GDAP1: variants seen among roughly 807,000 people sequenced by gnomAD.
GDAP1 encodes the protein ganglioside induced differentiation associated protein 1.
In GDAP1, 34 loss-of-function variants were observed where a neutral mutation model predicts 40.1. That is an observed-to-expected ratio of 0.85 (90% CI 0.64 to 1.13). The LOEUF is 1.13. Ranked by LOEUF, GDAP1 falls within the 50% of genes most tolerant of loss-of-function variation. The pLI is 0.00. For synonymous variants in GDAP1, 170 were observed against 157.4 expected, an observed-to-expected ratio of 1.08 and a Z score of -0.60; for missense variants, 374 against 433.7, an observed-to-expected ratio of 0.86 and a Z score of 1.22.
intron 2 of GDAP1, among the ~76,000 whole-genome samples, chr8:74,426,686 A>G (rs1203425858): frequency 6.6e-6 from 1 of 152,124 alleles, no homozygotes; most frequent in Non-Finnish European, 1.5e-5. Flanking sequence ...TAATACTTAG[A>G]TATCTTTCTT....
chr8:74,424,762 C>A (rs571944987), intron 2 of GDAP1, among the ~76,000 whole-genome samples: 1 of 152,228 alleles, frequency 6.6e-6, no homozygotes, highest in South Asian at 2.1e-4. Flanking sequence ...TCAGTGGTAT[C>A]CATGATGCAA....
At chr8:74,356,716 A>ATATATAT (rs375377157) in intron 2 of GDAP1, among the ~76,000 whole-genome samples, 3 of 104,362 alleles carry the variant, frequency 2.9e-5, no homozygotes, top group Admixed American at 1.1e-4. Flanking sequence ...ATATATATAT[A>ATATATAT]TTTTTTTTTT....
chr8:74,399,895 T>G (rs1307282907), intron 2 of GDAP1, among the ~76,000 whole-genome samples: 1 of 144,474 alleles, frequency 6.9e-6, no homozygotes, highest in Non-Finnish European at 1.5e-5. Context: ...TCTAGTTTGA[T>G]TGCACTGTCG....
chr8:74,359,623 G>T (rs933616452), intron 2 of GDAP1, among the ~76,000 whole-genome samples: 2 of 152,174 alleles, frequency 1.3e-5, no homozygotes, highest in African/African-American at 2.4e-5. Context: ...TTTCCATAAT[G>T]AGCCCTCATT....
At chr8:74,359,080 T>C (rs1462122134) in intron 2 of GDAP1, among the ~76,000 whole-genome samples, 4 of 152,236 alleles carry the variant, frequency 2.6e-5, no homozygotes, top group Non-Finnish European at 5.9e-5. Context: ...ACTTTTATTC[T>C]TTTTCGATAG....
chr8:74,402,239 T>C (rs1487469339), intron 2 of GDAP1, among the ~76,000 whole-genome samples: 2 of 150,562 alleles, frequency 1.3e-5, no homozygotes, highest in Non-Finnish European at 2.9e-5. Context: ...TTTGTTTACC[T>C]AAGCAAGCCT....
intron 2 of GDAP1, among the ~76,000 whole-genome samples, chr8:74,453,121 T>C (rs747853337): frequency 2.4e-5 from 2 of 83,634 alleles, no homozygotes; most frequent in Non-Finnish European, 4.8e-5. Flanking sequence ...CTATCCTCTG[T>C]AACTTAGTGC....
At chr8:74,476,381 A>G (rs1806629358) in intron 2 of GDAP1, among the ~76,000 whole-genome samples, 1 of 152,116 alleles carries the variant, frequency 6.6e-6, no homozygotes, top group East Asian at 1.9e-4. Flanking sequence ...TATAGTGTCA[A>G]TGGTCTGTGT....
rs140530786 is a variant in GDAP1, at chr8:74,426,028, G to A, written c.166-62650G>A. On this transcript the variant is annotated intron_variant, in intron 2 of 2. Coordinates refer to the GDAP1 transcript ENST00000523640. ...GATATGTTAATTATTGAAATCCTAG[G>A]CTCTGCAGTTGTTCCTAGTTCTGCT... Among the ~76,000 whole-genome samples, 435 of 152,162 alleles carry A rather than the reference G, an allele frequency of 2.9e-3. 3 individuals carry two copies. Among genetic ancestry groups the A allele is most frequent in the African/African-American group, 0.01 (421 of 41,506 alleles).
intron 2 of GDAP1, among the ~76,000 whole-genome samples, chr8:74,396,126 G>C (rs954611690): frequency 6.6e-6 from 1 of 151,972 alleles, no homozygotes; most frequent in South Asian, 2.1e-4. Flanking sequence ...TTCTACAATA[G>C]AAACACTGGA....
At chr8:74,381,690 A>G (rs1443945723) in intron 2 of GDAP1, among the ~76,000 whole-genome samples, 3 of 151,570 alleles carry the variant, frequency 2.0e-5, no homozygotes, top group Non-Finnish European at 4.4e-5. Flanking sequence ...CGGGAGGCAG[A>G]GGTTGCAGTG....
chr8:74,470,829 A>C (rs573130478), intron 2 of GDAP1, among the ~76,000 whole-genome samples: 8 of 152,324 alleles, frequency 5.3e-5, no homozygotes, highest in African/African-American at 1.9e-4. Context: ...GAATCGCCAC[A>C]CTGACTTCCA....
downstream of GDAP1, among the ~76,000 whole-genome samples, chr8:74,371,259 T>C (rs965555962): frequency 1.3e-5 from 2 of 152,250 alleles, no homozygotes; most frequent in African/African-American, 4.8e-5. Context: ...GTGGCCATTG[T>C]GGAATTAAGT....
At chr8:74,487,084 T>C (rs1306803238) in intron 2 of GDAP1, among the ~76,000 whole-genome samples, 1 of 152,180 alleles carries the variant, frequency 6.6e-6, no homozygotes, top group Non-Finnish European at 1.5e-5. Flanking sequence ...GATTATTAAA[T>C]GAGATTTGCA....
At chr8:74,403,578 G>A (rs751426819) in intron 2 of GDAP1, among the ~76,000 whole-genome samples, 2 of 150,222 alleles carry the variant, frequency 1.3e-5, no homozygotes, top group Non-Finnish European at 2.9e-5. Flanking sequence ...GCTTTTGCTG[G>A]TGAAGCATAT....
intron 2 of GDAP1, among the ~76,000 whole-genome samples, chr8:74,460,226 A>G (rs1806384376): frequency 6.6e-6 from 1 of 152,250 alleles, no homozygotes; most frequent in Admixed American, 6.5e-5. Context: ...AGGAAGAAAT[A>G]CATAATGTTC....
chr8:74,476,463 G>C (rs1426859938), intron 2 of GDAP1, among the ~76,000 whole-genome samples: 1 of 152,204 alleles, frequency 6.6e-6, no homozygotes, highest in Non-Finnish European at 1.5e-5. Flanking sequence ...AGGCGCTCTT[G>C]TAAGGCAGGT....
intron 2 of GDAP1, among the ~76,000 whole-genome samples, chr8:74,398,278 G>A (rs769531145): frequency 9.9e-5 from 15 of 152,200 alleles, no homozygotes; most frequent in Non-Finnish European, 1.8e-4. Flanking sequence ...TCTGAGACTA[G>A]GATTGCAACC....
chr8:74,473,583 C>G (rs983223552), intron 2 of GDAP1, among the ~76,000 whole-genome samples: 2 of 151,938 alleles, frequency 1.3e-5, no homozygotes, highest in African/African-American at 4.8e-5. Context: ...TTTTTTTCAG[C>G]TTTGTTACAG....
Sources: allele counts gnomAD v4.1 joint callset (sites outside exome capture counted in the v4.1 genomes callset), GRCh38; gene constraint gnomAD v4.1.1; transcripts MANE v1.5; gene names NCBI Gene and HGNC (gene_info 2026-07-23, HGNC 2026-07-21).